Variants in TYW1B observed in about 807,000 individuals in gnomAD.
The protein encoded by TYW1B is S-adenosyl-L-methionine-dependent tRNA 4-demethylwyosine synthase TYW1B.
In TYW1B, 73 loss-of-function variants were observed where a neutral mutation model predicts 86.9. The ratio of observed to expected loss-of-function variants is 0.84; its 90% confidence interval spans 0.70 to 1.02. The LOEUF (loss-of-function observed/expected upper bound fraction) is 1.02. TYW1B is among the 50% of genes least tolerant of loss of function. The pLI, the probability that TYW1B is intolerant of heterozygous loss-of-function variation, is 0.00. For missense variants in TYW1B, 637 were observed against 827.4 expected, an observed-to-expected ratio of 0.77 and a Z score of 2.82; for synonymous variants, 248 against 292.8, an observed-to-expected ratio of 0.85 and a Z score of 1.56.
At chr7:72,632,323 A>ATATATATACACGTATATATAT (rs1812522414) in intron 11 of TYW1B, among the ~76,000 whole-genome samples, 1 of 111,282 alleles carries the variant, frequency 9.0e-6, no homozygotes, top group African/African-American at 4.1e-5. Context: ...TATATATATT[A>ATATATATACACGTATATATAT]TATATATATA....
At chr7:72,686,173 T>C (rs1814002230) in intron 11 of TYW1B, among the ~76,000 whole-genome samples, 1 of 152,294 alleles carries the variant, frequency 6.6e-6, no homozygotes, top group African/African-American at 2.4e-5. Flanking sequence ...AACTAAACAA[T>C]ACTCTTATGA....
chr7:72,826,981 AG>A lies in TYW1B; in HGVS notation c.8del (p.Pro3LeufsTer12). 2 of 1,604,242 alleles carry A rather than the reference AG, an allele frequency of 1.2e-6. No homozygotes were observed. The highest frequency in any genetic ancestry group is 1.7e-6 in the Non-Finnish European group (2 of 1,177,090). ...AGGAGAGGTCCCATGTATCCGCAGA[AG>A]GATCTAAATTTAAAATGACACACAC... MD[P>X]SADTWDLSSP... On this transcript the variant is annotated frameshift_variant, in exon 2 of 14. Transcript: ENST00000620995. LOFTEE classifies it high-confidence loss of function.
chr7:72,684,554 TG>T (rs1220185836), intron 11 of TYW1B, among the ~76,000 whole-genome samples: 6 of 152,012 alleles, frequency 3.9e-5, no homozygotes, highest in African/African-American at 1.5e-4. Flanking sequence ...AGATCTTCCT[TG>T]AAAGAAATGT....
intron 10 of TYW1B, among the ~76,000 whole-genome samples, chr7:72,712,392 G>C (rs191312319): frequency 1.3e-5 from 2 of 152,182 alleles, no homozygotes; most frequent in Non-Finnish European, 2.9e-5. Context: ...GCAATGGTGC[G>C]ATCTCGGCTC....
chr7:72,657,360 C>T (rs1335315394), intron 11 of TYW1B, among the ~76,000 whole-genome samples: 2 of 151,964 alleles, frequency 1.3e-5, no homozygotes, highest in African/African-American at 4.8e-5. Flanking sequence ...CACCATAAAG[C>T]AAACATATAT....
At chr7:72,777,822 A>C (rs1356554898) in intron 6 of TYW1B, among the ~76,000 whole-genome samples, 1 of 152,214 alleles carries the variant, frequency 6.6e-6, no homozygotes, top group Admixed American at 6.5e-5. Flanking sequence ...AGGCTGAGGC[A>C]GGAGAATCGC....
rs1420773067 is a variant in TYW1B, at chr7:72,785,431, ATATAAT to A, written c.847-7904_847-7899del. 3.4e-5 allele frequency among the ~76,000 whole-genome samples: 5 copies of A among 147,696 alleles called. No individual in the cohort carries two copies. The East Asian group carries it at 5.8e-4, about 17-fold the overall frequency. On this transcript the variant is annotated intron_variant, in intron 6 of 13. Transcript: ENST00000620995. Reference sequence around the variant, plus strand: ...TAATATAATTATATAATTAATTCTAATATAATTAGAATTAGAATATACTATTATTTT... The same window carrying A: ...TAATATAATTATATAATTAATTCTAATAGAATTAGAATATACTATTATTTT...
intron 7 of TYW1B, among the ~76,000 whole-genome samples, chr7:72,747,108 T>C (rs1441508815): frequency 6.6e-5 from 10 of 152,160 alleles, no homozygotes; most frequent in African/African-American, 2.4e-4. Flanking sequence ...GAACTTGATA[T>C]GGTTTGGCTG....
In TYW1B at chr7:72,632,285, G is replaced by GTATATATATATATATATATATATTATA. The variant is rs1239640717; in HGVS notation, c.1507-3289_1507-3288insTATAATATATATATATATATATATATA. On this transcript the variant is annotated intron_variant, in intron 11 of 13. Transcript: ENST00000620995. ...AAAAAATATATATATATATATACGTGTATATATATATATACGTGTATATAT... is the reference window on the plus strand; with the variant it reads ...AAAAAATATATATATATATATACGTGTATATATATATATATATATATATTATATATATATATATATACGTGTATATAT... Among the ~76,000 whole-genome samples the GTATATATATATATATATATATATTATA allele has an allele frequency of 5.6e-4, 47 of 83,540 alleles. 1 individual carries two copies. The highest frequency in any genetic ancestry group is 2.0e-3 in the African/African-American group (27 of 13,832). The allele number at this position is 83,540 out of a possible 152,430, so 54.8% of individuals were successfully genotyped here.
At chr7:72,769,769 C>T (rs546548914) in intron 7 of TYW1B, among the ~76,000 whole-genome samples, 14 of 152,290 alleles carry the variant, frequency 9.2e-5, no homozygotes, top group Admixed American at 6.5e-4. Context: ...ACAGCCAATA[C>T]GCACAACACA....
rs377724440 is a variant in TYW1B at position 72,577,541 on chromosome 7, G to A, written c.1786-1822C>T. On this transcript the variant is annotated intron_variant, in intron 13 of 13. Coordinates refer to ENST00000620995, the MANE Select transcript of TYW1B (RefSeq NM_001145440.3). ...AGGCACTGAGCCTCGAAACTGCAGA[G>A]TCAAAGGTGACCTCCTTTTCCCTGG... 2.6e-5 allele frequency among the ~76,000 whole-genome samples: 4 copies of A among 152,274 alleles called. No homozygotes were observed. The East Asian group carries it at 7.7e-4, about 29-fold the overall frequency.
intron 7 of TYW1B, among the ~76,000 whole-genome samples, chr7:72,747,986 T>C (rs548278546): frequency 1.3e-5 from 2 of 152,240 alleles, no homozygotes; most frequent in East Asian, 1.9e-4. Context: ...ATATGTAGAA[T>C]ACAGCCGGGC....
intron 11 of TYW1B, among the ~76,000 whole-genome samples, chr7:72,658,865 C>T (rs782039817): frequency 3.9e-5 from 6 of 152,058 alleles, no homozygotes; most frequent in East Asian, 1.9e-4. Flanking sequence ...GGATTATAGA[C>T]GTGCACCACA....
At chr7:72,672,032 T>C (rs1326478033) in intron 11 of TYW1B, among the ~76,000 whole-genome samples, 1 of 151,090 alleles carries the variant, frequency 6.6e-6, no homozygotes, top group Admixed American at 6.6e-5. Context: ...TGGGGGGACC[T>C]GGTAGGAGGT....
intron 7 of TYW1B, among the ~76,000 whole-genome samples, chr7:72,772,117 G>A (rs1281539065): frequency 6.6e-6 from 1 of 151,512 alleles, no homozygotes; most frequent in African/African-American, 2.4e-5. Context: ...CCAAAGTGCT[G>A]GCATTACAAG....
At chr7:72,688,793 A>C (rs1427453907) in intron 11 of TYW1B, among the ~76,000 whole-genome samples, 2 of 152,332 alleles carry the variant, frequency 1.3e-5, no homozygotes, top group Non-Finnish European at 2.9e-5. Context: ...CTGATGCCTC[A>C]ACACGAACTT....
intron 7 of TYW1B, among the ~76,000 whole-genome samples, chr7:72,774,984 T>C (rs1227139156): frequency 1.3e-5 from 2 of 152,070 alleles, no homozygotes; most frequent in East Asian, 1.9e-4. Context: ...AGACCCAAAC[T>C]GAACTTCTAG....
At chr7:72,699,066 C>A (rs545081738) in intron 10 of TYW1B, among the ~76,000 whole-genome samples, 2 of 152,160 alleles carry the variant, frequency 1.3e-5, no homozygotes, top group African/African-American at 4.8e-5. Flanking sequence ...CACCACGCAG[C>A]GCCATGACTA....
intron 13 of TYW1B, among the ~76,000 whole-genome samples, chr7:72,597,436 A>G (rs71553240): frequency 0.041 from 5,469 of 134,186 alleles, 65 homozygotes; most frequent in African/African-American, 0.093. Context: ...AGTCATTTCA[A>G]AGAAAGTAGG....
Sources: gnomAD v4.1 joint callset for allele counts (sites outside exome capture counted in the v4.1 genomes callset) on GRCh38, gnomAD v4.1.1 for gene constraint, MANE v1.5 for transcripts, NCBI Gene and HGNC (gene_info 2026-07-23, HGNC 2026-07-21) for gene names.